CUBN: variants seen among roughly 807,000 people sequenced by gnomAD.
The protein encoded by CUBN is cubilin, also known as 460 kDa receptor.
Under a neutral mutation model 405.3 loss-of-function variants are expected in CUBN, and 282 were observed. The observed-to-expected ratio is 0.70, with a 90% CI of 0.63 to 0.77. The LOEUF is 0.77. Among genes scored for constraint, CUBN ranks in the 30% least tolerant of loss-of-function variants. The probability of loss-of-function intolerance (pLI) is 0.00; values close to 1 mark genes in which losing one functional copy is unlikely to be tolerated. For synonymous variants in CUBN, 1,684 were observed against 1,617.0 expected, an observed-to-expected ratio of 1.04 and a Z score of -0.99; for missense variants, 4,514 against 4,475.2, an observed-to-expected ratio of 1.01 and a Z score of -0.25.
In CUBN at chr10:17,115,149, C is replaced by T. The variant is rs372633339; in HGVS notation, c.720+322G>A. Among the ~76,000 whole-genome samples the T allele has an allele frequency of 6.7e-5, 10 of 150,014 alleles. No individual in the cohort carries two copies. In the South Asian group the frequency reaches 1.5e-3, roughly 22 times the overall value. On this transcript the variant is annotated intron_variant, in intron 7 of 66. Coordinates refer to ENST00000377833, the MANE Select transcript of CUBN (RefSeq NM_001081.4). Reference sequence around the variant, plus strand: ...ATCCCAGCTACTCAGGAGGCTGAGTCACGAGAATTGCTTGAACCTGGGAGG... The same window carrying T: ...ATCCCAGCTACTCAGGAGGCTGAGTTACGAGAATTGCTTGAACCTGGGAGG...
At chr10:17,000,721 C>T (rs1307542788) in intron 28 of CUBN, among the ~76,000 whole-genome samples, 1 of 152,234 alleles carries the variant, frequency 6.6e-6, no homozygotes, top group Non-Finnish European at 1.5e-5. Flanking sequence ...TTTGACATCA[C>T]ACACTGAGTT....
chr10:17,009,252 C>T (rs112752883), intron 28 of CUBN, among the ~76,000 whole-genome samples: 3 of 152,198 alleles, frequency 2.0e-5, no homozygotes, highest in Non-Finnish European at 2.9e-5. Flanking sequence ...CAGCTGGCAA[C>T]ATTTTGTTGC....
At chr10:16,872,392 T>C (rs914009239) in intron 58 of CUBN, among the ~76,000 whole-genome samples, 10 of 148,566 alleles carry the variant, frequency 6.7e-5, no homozygotes, top group Non-Finnish European at 8.8e-5. Context: ...AGAGAGAATA[T>C]ATAACATACC....
chr10:17,109,199 C>A (rs1836709385), intron 10 of CUBN, among the ~76,000 whole-genome samples: 1 of 152,142 alleles, frequency 6.6e-6, no homozygotes, highest in Middle Eastern at 3.4e-3. Context: ...TGGTTGTCAC[C>A]CTAGATCTAT....
chr10:16,861,060 A>G (rs981548527), intron 59 of CUBN, among the ~76,000 whole-genome samples: 6 of 151,946 alleles, frequency 3.9e-5, no homozygotes, highest in Non-Finnish European at 1.5e-5. Flanking sequence ...GCCCCAAAGC[A>G]TTACCAATGT....
chr10:16,908,084 T>A (rs1434190022), intron 48 of CUBN, among the ~76,000 whole-genome samples: 6 of 152,234 alleles, frequency 3.9e-5, no homozygotes, highest in Admixed American at 2.0e-4. Context: ...AGCTTAAATA[T>A]CAGTTTCTGA....
At chr10:16,856,009 C>A (rs1162442787) in intron 59 of CUBN, among the ~76,000 whole-genome samples, 5 of 152,078 alleles carry the variant, frequency 3.3e-5, no homozygotes, top group Non-Finnish European at 7.4e-5. Flanking sequence ...AGGGTTCTTT[C>A]CCAAAAGGAG....
At chr10:16,941,295 TC>T (rs1842644258) in intron 36 of CUBN, among the ~76,000 whole-genome samples, 1 of 152,104 alleles carries the variant, frequency 6.6e-6, no homozygotes, top group Non-Finnish European at 1.5e-5. Context: ...ATAACGGATA[TC>T]CTTATGGAGA....
At chr10:16,918,385 A>G (rs1841945647) in intron 45 of CUBN, among the ~76,000 whole-genome samples, 1 of 152,104 alleles carries the variant, frequency 6.6e-6, no homozygotes, top group African/African-American at 2.4e-5. Flanking sequence ...GGGGAGCAGT[A>G]TGGCCATTTT....
At chr10:16,942,106 C>T (rs1178683975) in intron 36 of CUBN, among the ~76,000 whole-genome samples, 2 of 152,168 alleles carry the variant, frequency 1.3e-5, no homozygotes, top group African/African-American at 2.4e-5. Flanking sequence ...TTAAATACCA[C>T]AGTCAGATAT....
intron 25 of CUBN, 152 bp downstream of exon 25, chr10:17,044,855 A>G: frequency 1.2e-6 from 1 of 801,312 alleles, no homozygotes; most frequent in South Asian, 1.5e-5. Context: ...CACTTTCACC[A>G]AATTTCTTTT....
intron 48 of CUBN, among the ~76,000 whole-genome samples, chr10:16,912,655 G>T (rs1345115564): frequency 6.6e-6 from 1 of 152,204 alleles, no homozygotes; most frequent in Non-Finnish European, 1.5e-5. Flanking sequence ...CATTCCAGAT[G>T]AAGGCAACAG....
chr10:16,826,874 G>A (rs1207390252), intron 66 of CUBN, among the ~76,000 whole-genome samples: 29 of 152,080 alleles, frequency 1.9e-4, no homozygotes, highest in Non-Finnish European at 3.7e-4. Flanking sequence ...TGAAAACCAT[G>A]CCCACAAAAA....
intron 4 of CUBN, among the ~76,000 whole-genome samples, chr10:17,126,322 AC>A (rs1837189673): frequency 6.6e-6 from 1 of 152,226 alleles, no homozygotes; most frequent in African/African-American, 2.4e-5. Flanking sequence ...AAGTTTAATT[AC>A]CAGCAAATGT....
At position 16,952,223 on chromosome 10, in the gene CUBN, C is replaced by T. The variant is rs1842939008; in HGVS notation, c.4969+53G>A. ...GAAGGTTACTCATAGACTGACCTTCCCACAGACACCTTCTCTCCTGTGTGC... is the reference window on the plus strand; with the variant it reads ...GAAGGTTACTCATAGACTGACCTTCTCACAGACACCTTCTCTCCTGTGTGC... On this transcript the variant is annotated intron_variant, in intron 33 of 66. Coordinates refer to ENST00000377833, the MANE Select transcript of CUBN (RefSeq NM_001081.4). 10 of 1,326,934 alleles carry T rather than the reference C, an allele frequency of 7.5e-6. No homozygotes were observed. In the East Asian group the frequency reaches 2.3e-4, roughly 31 times the overall value. The allele number at this position is 1,326,934 out of a possible 1,614,324, so 82.2% of individuals were successfully genotyped here.
chr10:17,088,003 G>A (rs1836162129), intron 15 of CUBN, among the ~76,000 whole-genome samples, 161 bp downstream of exon 15: 1 of 151,692 alleles, frequency 6.6e-6, no homozygotes. Flanking sequence ...AACAGGCACA[G>A]TTAAAAATAG....
Position 16,982,478 on chromosome 10 carries a change from A to G in CUBN, c.4695+6T>C. On this transcript the variant is annotated splice_donor_region_variant and intron_variant, in intron 31 of 66. Coordinates refer to ENST00000377833, the MANE Select transcript of CUBN (RefSeq NM_001081.4). ...GGAGACAATGCTTGAAATTTATGTC[A>G]CTTACCATAATACAAGAGTCTTGTG... 3 of 1,611,662 alleles carry G rather than the reference A, an allele frequency of 1.9e-6. No homozygotes were observed. Among genetic ancestry groups the G allele is most frequent in the Non-Finnish European group, 2.5e-6 (3 of 1,177,932 alleles).
intron 22 of CUBN, among the ~76,000 whole-genome samples, chr10:17,061,148 C>T (rs1429001544): frequency 6.6e-6 from 1 of 151,984 alleles, no homozygotes; most frequent in African/African-American, 2.4e-5. Context: ...AGAGTAGGAC[C>T]AAGACTTCTG....
intron 31 of CUBN, among the ~76,000 whole-genome samples, chr10:16,974,429 C>CT (rs201061697): frequency 2.2e-3 from 316 of 146,320 alleles, no homozygotes; most frequent in Non-Finnish European, 3.1e-3. Context: ...ACAATTAACT[C>CT]TTTTTTTTTT....
Sources: gnomAD v4.1 joint callset for allele counts (sites outside exome capture counted in the v4.1 genomes callset) on GRCh38, gnomAD v4.1.1 for gene constraint, MANE v1.5 for transcripts, NCBI Gene and HGNC (gene_info 2026-07-23, HGNC 2026-07-21) for gene names.